Variants in MYO1D observed in about 807,000 individuals in gnomAD.
MYO1D encodes the protein myosin ID, also known as unconventional myosin-Id.
Under a neutral mutation model 122.0 loss-of-function variants are expected in MYO1D, and 83 were observed. That is an observed-to-expected ratio of 0.68 (90% CI 0.57 to 0.82). The LOEUF (loss-of-function observed/expected upper bound fraction) is 0.82, where lower values mean the gene tolerates loss of function less well. MYO1D is among the 40% of genes least tolerant of loss of function. MYO1D has a pLI of 0.00. For synonymous variants in MYO1D, 464 were observed against 446.9 expected (o/e 1.04, Z -0.48); for missense variants, 1,157 against 1,269.5 (o/e 0.91, Z 1.35).
intron 16 of MYO1D, among the ~76,000 whole-genome samples, chr17:32,672,244 T>A (rs1193390220): frequency 6.6e-6 from 1 of 152,216 alleles, no homozygotes; most frequent in Non-Finnish European, 1.5e-5. Flanking sequence ...CAGTAAATGA[T>A]AAAACTGTAT....
chr17:32,810,341 G>A (rs1393208209), intron 1 of MYO1D, among the ~76,000 whole-genome samples: 1 of 152,196 alleles, frequency 6.6e-6, no homozygotes, highest in Non-Finnish European at 1.5e-5. Context: ...AAAAGGTACA[G>A]ATGGTTGGGT....
chr17:32,647,995 C>T lies in MYO1D; in HGVS notation c.2595+5848G>A, dbSNP rs541382956. On this transcript the variant is annotated intron_variant, in intron 19 of 21. Coordinates refer to ENST00000318217, the MANE Select transcript of MYO1D (RefSeq NM_015194.3). Reference sequence around the variant, plus strand: ...TTGGGAGGCCTAGGTGGGCAGATCACTTGAGGTCAGGAGTTCGAGACCAGC... The same window carrying T: ...TTGGGAGGCCTAGGTGGGCAGATCATTTGAGGTCAGGAGTTCGAGACCAGC... Among the ~76,000 whole-genome samples the T allele has an allele frequency of 3.3e-4, 50 of 152,302 alleles. 3 individuals carry two copies. The South Asian group carries it at 0.01, about 31-fold the overall frequency.
chr17:32,737,068 T>C (rs2089711298), intron 14 of MYO1D, among the ~76,000 whole-genome samples: 1 of 152,184 alleles, frequency 6.6e-6, no homozygotes, highest in African/African-American at 2.4e-5. Flanking sequence ...GCCTAATTTA[T>C]CTATAGTGAA....
intron 21 of MYO1D, chr17:32,518,492 A>G (rs1477932462): frequency 6.6e-6 from 1 of 152,314 alleles, no homozygotes; most frequent in Non-Finnish European, 1.5e-5. Context: ...TTAAAGAGTG[A>G]ATAAGAAATG....
intron 21 of MYO1D, among the ~76,000 whole-genome samples, chr17:32,527,095 G>A (rs1177333282): frequency 6.6e-6 from 1 of 152,186 alleles, no homozygotes; most frequent in Non-Finnish European, 1.5e-5. Flanking sequence ...AGACCACAGT[G>A]GGGTCTTTCC....
At chr17:32,797,498 T>C (rs1444334897) in intron 1 of MYO1D, among the ~76,000 whole-genome samples, 1 of 152,198 alleles carries the variant, frequency 6.6e-6, no homozygotes, top group African/African-American at 2.4e-5. Context: ...AACATGAAGA[T>C]ATTTCGAGAG....
chr17:32,867,559 G>A (rs1313863156), intron 1 of MYO1D, among the ~76,000 whole-genome samples: 2 of 151,800 alleles, frequency 1.3e-5, no homozygotes, highest in Non-Finnish European at 2.9e-5. Context: ...CACTTTGGGA[G>A]GACAAAGCGG....
chr17:32,772,106 T>TG (rs1427453261), intron 5 of MYO1D, among the ~76,000 whole-genome samples: 50 of 152,364 alleles, frequency 3.3e-4, no homozygotes, highest in Middle Eastern at 3.4e-3. Flanking sequence ...CCAATTGTAT[T>TG]GTCACCGTTC....
At chr17:32,574,655 T>C (rs2087262113) in intron 21 of MYO1D, among the ~76,000 whole-genome samples, 1 of 152,180 alleles carries the variant, frequency 6.6e-6, no homozygotes, top group Non-Finnish European at 1.5e-5. Flanking sequence ...GCACCTAACT[T>C]ATGTAGAAAG....
intron 1 of MYO1D, among the ~76,000 whole-genome samples, chr17:32,822,730 AC>A (rs1233122250): frequency 1.2e-4 from 18 of 151,126 alleles, no homozygotes; most frequent in African/African-American, 4.4e-4. Context: ...CGACCAGCAG[AC>A]CGCGGGTGGC....
chr17:32,775,669 A>G (rs1287360345), intron 4 of MYO1D, among the ~76,000 whole-genome samples, 195 bp downstream of exon 4: 1 of 152,196 alleles, frequency 6.6e-6, no homozygotes. Flanking sequence ...TACAAAGTCC[A>G]CAACTTTTTC....
At chr17:32,841,626 T>G (rs1293282127) in intron 1 of MYO1D, among the ~76,000 whole-genome samples, 1 of 152,146 alleles carries the variant, frequency 6.6e-6, no homozygotes, top group Non-Finnish European at 1.5e-5. Flanking sequence ...GGGAAGCATC[T>G]GGGAGACAGG....
intron 21 of MYO1D, among the ~76,000 whole-genome samples, chr17:32,514,465 T>C (rs541924045): frequency 6.6e-6 from 1 of 152,274 alleles, no homozygotes; most frequent in South Asian, 2.1e-4. Context: ...TTTCCAGCAA[T>C]CTTTATCTGA....
intron 14 of MYO1D, among the ~76,000 whole-genome samples, chr17:32,726,030 A>AT (rs1351797655): frequency 6.6e-6 from 1 of 152,254 alleles, no homozygotes; most frequent in African/African-American, 2.4e-5. Flanking sequence ...GTATAGAAAT[A>AT]TTTTTTGGTA....
intron 21 of MYO1D, among the ~76,000 whole-genome samples, chr17:32,519,902 A>T (rs76692101): frequency 0.69 from 86,201 of 125,476 alleles, 26,711 homozygotes; most frequent in Non-Finnish European, 0.71. Flanking sequence ...TTTTTTTTTT[A>T]AAAAAAAAAA....
intron 11 of MYO1D, among the ~76,000 whole-genome samples, chr17:32,754,641 T>A (rs2089928896): frequency 6.6e-6 from 1 of 152,238 alleles, no homozygotes; most frequent in African/African-American, 2.4e-5. Context: ...GTCAGAGATT[T>A]ACATGGAACT....
chr17:32,828,156 C>G (rs879345766), intron 1 of MYO1D, among the ~76,000 whole-genome samples: 27 of 152,082 alleles, frequency 1.8e-4, no homozygotes, highest in Non-Finnish European at 3.4e-4. Flanking sequence ...CAGAAAGGTC[C>G]TGGGTAAGAG....
Position 32,796,309 on chromosome 17 carries a change from C to T in MYO1D, c.96-15525G>A, listed in dbSNP as rs940245248. Among the ~76,000 whole-genome samples, 30 of 152,128 alleles carry T rather than the reference C, an allele frequency of 2.0e-4. 1 individual carries two copies. The highest frequency in any genetic ancestry group is 1.5e-5 in the Non-Finnish European group (1 of 68,034). On this transcript the variant is annotated intron_variant, in intron 1 of 21. Coordinates refer to ENST00000318217, the MANE Select transcript of MYO1D (RefSeq NM_015194.3). Reference sequence around the variant, plus strand: ...ACACTGCTCAGGAAAATGAAGGATACCTGGACCTGATGTAGAAAACTCTTT... The same window carrying T: ...ACACTGCTCAGGAAAATGAAGGATATCTGGACCTGATGTAGAAAACTCTTT...
intron 6 of MYO1D, 136 bp downstream of exon 6, chr17:32,770,989 A>C: frequency 1.9e-6 from 1 of 514,832 alleles, no homozygotes; most frequent in East Asian, 3.3e-5. Context: ...GTCCTTGAGA[A>C]TTTAAAAAAT....
Sources: allele counts gnomAD v4.1 joint callset (sites outside exome capture counted in the v4.1 genomes callset), GRCh38; gene constraint gnomAD v4.1.1; transcripts MANE v1.5; gene names NCBI Gene and HGNC (gene_info 2026-07-23, HGNC 2026-07-21).